RBPJ: variants seen among roughly 807,000 people sequenced by gnomAD.
RBPJ encodes recombining binding protein suppressor of hairless.
In RBPJ, 9 loss-of-function variants were observed where a neutral mutation model predicts 67.8. That is an observed-to-expected ratio of 0.13 (90% CI 0.08 to 0.23). RBPJ has a LOEUF of 0.23. Ranked by LOEUF, RBPJ falls within the 10% of genes least tolerant of loss-of-function variation. RBPJ has a pLI of 1.00. For missense variants in RBPJ, 305 were observed against 595.6 expected (o/e 0.51, Z 5.08); for synonymous variants, 198 against 203.3 (o/e 0.97, Z 0.22).
chr4:26,406,346 C>T lies in RBPJ; in HGVS notation c.155+76C>T, dbSNP rs961405323. 14 of 888,144 alleles carry T rather than the reference C, an allele frequency of 1.6e-5. No homozygotes were observed. The Admixed American group carries it at 2.3e-4, about 14-fold the overall frequency. 55.0% of individuals were successfully genotyped at this position (888,144 alleles called of 1,614,324 possible). ...GCCAATTATGTATTAATATACATGT[C>T]AGAGGATGGCTTCTATTACTGGGTT... On this transcript the variant is annotated intron_variant, in intron 3 of 10. Coordinates refer to ENST00000355476, the MANE Select transcript of RBPJ (RefSeq NM_015874.6).
rs56122711 is a variant in RBPJ at position 26,386,337 on chromosome 4, AT to A, written c.21-5del. On this transcript the variant is annotated splice_polypyrimidine_tract_variant and intron_variant, in intron 1 of 10. Transcript: ENST00000355476. ...AAGCTTACTTAACTTTATTTTCTTT[AT>A]TTTTTTTTTTCCAGGAAATTTGGTG... The A allele has an allele frequency of 0.58, 810,496 of 1,399,330 alleles. 204,902 individuals carry two copies. The highest frequency in any genetic ancestry group is 0.69 in the Admixed American group (35,907 of 52,060). The allele number at this position is 1,399,330 out of a possible 1,614,324, so 86.7% of individuals were successfully genotyped here.
chr4:26,321,525 C>T (rs4692523), intron 1 of RBPJ: 68,869 of 151,894 alleles, frequency 0.45, 16,681 homozygotes, highest in Admixed American at 0.58. Context: ...CCCGTGGCGT[C>T]CCGCATCCCC....
intron 1 of RBPJ, among the ~76,000 whole-genome samples, chr4:26,363,317 T>A (rs1280647335): frequency 6.6e-6 from 1 of 152,168 alleles, no homozygotes; most frequent in Non-Finnish European, 1.5e-5. Flanking sequence ...TTTTCGTATT[T>A]TTAGTAGAGA....
the RBPJ span, among the ~76,000 whole-genome samples, chr4:26,144,687 A>G: frequency 2.2e-4 from 33 of 152,328 alleles, no homozygotes; most frequent in African/African-American, 7.7e-4. Flanking sequence ...CCCACACCCC[A>G]GTAGCTGATG....
At chr4:26,156,963 T>A in the RBPJ span, among the ~76,000 whole-genome samples, 1 of 151,024 alleles carries the variant, frequency 6.6e-6, no homozygotes, top group East Asian at 2.0e-4. Context: ...TGGTTTCAGC[T>A]ACTCAGGAGG....
intron 1 of RBPJ, among the ~76,000 whole-genome samples, chr4:26,306,446 T>C (rs78908938): frequency 6.7e-6 from 1 of 149,186 alleles, no homozygotes; most frequent in African/African-American, 2.5e-5. Context: ...AGAATTATTA[T>C]TATTATTATT....
intron 1 of RBPJ, among the ~76,000 whole-genome samples, chr4:26,336,371 C>T (rs1422702260): frequency 1.3e-5 from 2 of 152,024 alleles, no homozygotes; most frequent in Non-Finnish European, 2.9e-5. Context: ...TCCCAGCCAT[C>T]CCAGAGGCTG....
At chr4:26,315,792 C>A (rs1046660465), upstream of RBPJ, among the ~76,000 whole-genome samples, 1 of 152,072 alleles carries the variant, frequency 6.6e-6, no homozygotes, top group Non-Finnish European at 1.5e-5. Flanking sequence ...GACCTCCCCC[C>A]AGGAATGCAA....
intron 1 of RBPJ, among the ~76,000 whole-genome samples, chr4:26,385,460 A>G (rs1468778676): frequency 6.6e-6 from 1 of 152,222 alleles, no homozygotes. Context: ...CAGCAAGTAA[A>G]TATGGAATCA....
intron 1 of RBPJ, among the ~76,000 whole-genome samples, chr4:26,219,482 T>C (rs1718829802): frequency 6.6e-6 from 1 of 152,172 alleles, no homozygotes; most frequent in Non-Finnish European, 1.5e-5. Context: ...AAGTTCCAGT[T>C]CTGTAGCTGA....
At chr4:26,233,751 CTG>C (rs898210036) in intron 1 of RBPJ, among the ~76,000 whole-genome samples, 5 of 152,172 alleles carry the variant, frequency 3.3e-5, no homozygotes, top group Admixed American at 3.3e-4. Flanking sequence ...GATATAAAAA[CTG>C]AGAATCCTTT....
chr4:26,433,606 T>A lies in RBPJ; in HGVS notation c.*2599T>A, dbSNP rs1180963394. On this transcript the variant is annotated 3_prime_UTR_variant, in exon 11 of 11. Transcript: ENST00000355476. ...TTATACTGTAAACCCTTTTCTTTTCTTTTTTTGAAAAGTCCAAGAATGTAC... is the reference window on the plus strand; with the variant it reads ...TTATACTGTAAACCCTTTTCTTTTCATTTTTTGAAAAGTCCAAGAATGTAC... 1 of 152,152 alleles carries A rather than the reference T, an allele frequency of 6.6e-6. No homozygotes were observed. Among genetic ancestry groups the A allele is most frequent in the African/African-American group, 2.4e-5 (1 of 41,438 alleles). 9.4% of individuals were successfully genotyped at this position (152,152 alleles called of 1,614,324 possible).
intron 1 of RBPJ, among the ~76,000 whole-genome samples, chr4:26,225,146 A>G (rs1213046718): frequency 2.3e-4 from 35 of 152,250 alleles, no homozygotes; most frequent in Admixed American, 2.1e-3. Flanking sequence ...CAAAATTTTA[A>G]CAGAACCAGA....
upstream of RBPJ, among the ~76,000 whole-genome samples, chr4:26,317,584 G>A (rs914447782): frequency 1.3e-5 from 2 of 152,182 alleles, no homozygotes; most frequent in African/African-American, 4.8e-5. Flanking sequence ...AGACAAGAAC[G>A]GAAGAAGGGA....
At chr4:26,210,295 T>G (rs538580883) in intron 1 of RBPJ, among the ~76,000 whole-genome samples, 4 of 152,294 alleles carry the variant, frequency 2.6e-5, no homozygotes, top group Admixed American at 2.6e-4. Flanking sequence ...CAGGATCCCC[T>G]CCTCTTCACT....
intron 1 of RBPJ, among the ~76,000 whole-genome samples, chr4:26,375,156 T>C (rs557846787): frequency 8.6e-5 from 13 of 152,028 alleles, no homozygotes; most frequent in Admixed American, 7.2e-4. Flanking sequence ...ATACAAAAAT[T>C]AGGTGGCCAT....
intron 1 of RBPJ, among the ~76,000 whole-genome samples, chr4:26,210,716 C>T (rs202018660): frequency 0.044 from 1,744 of 39,616 alleles, 176 homozygotes; most frequent in East Asian, 0.19. Flanking sequence ...TCCTTCTTTC[C>T]TTCTTTCTTT....
At chr4:26,225,492 G>A (rs1719046872) in intron 1 of RBPJ, among the ~76,000 whole-genome samples, 1 of 152,106 alleles carries the variant, frequency 6.6e-6, no homozygotes, top group Non-Finnish European at 1.5e-5. Context: ...ATTTTCAGGT[G>A]GTGCAGTTAT....
At chr4:26,348,146 A>G (rs918166836) in intron 1 of RBPJ, among the ~76,000 whole-genome samples, 3 of 151,908 alleles carry the variant, frequency 2.0e-5, no homozygotes, top group Non-Finnish European at 4.4e-5. Context: ...TTTTTAGTAG[A>G]GATGGGGTTT....
Sources: gnomAD v4.1 joint callset for allele counts (sites outside exome capture counted in the v4.1 genomes callset) on GRCh38, gnomAD v4.1.1 for gene constraint, MANE v1.5 for transcripts, NCBI Gene and HGNC (gene_info 2026-07-23, HGNC 2026-07-21) for gene names.